The following LRP1 variants were observed in gnomAD, a reference collection of about 807,000 sequenced individuals.
LRP1 encodes prolow-density lipoprotein receptor-related protein 1.
A neutral mutation model predicts 541.5 loss-of-function variants in LRP1; 51 were observed. The observed-to-expected ratio is 0.09, with a 90% CI of 0.08 to 0.12. The LOEUF (loss-of-function observed/expected upper bound fraction) is 0.12, where lower values mean the gene tolerates loss of function less well. LRP1 is among the 10% of genes least tolerant of loss of function. LRP1 has a pLI of 1.00. For missense variants in LRP1, 3,878 were observed against 6,376.2 expected (o/e 0.61, Z 13.34); for synonymous variants, 2,219 against 2,470.8 (o/e 0.90, Z 3.02).
At position 57,128,654 on chromosome 12, in the gene LRP1, G is replaced by A; in HGVS notation, c.-311G>A. ...CAATTGTGCATTTTTGCAGCCGGAG[G>A]CGGCTCCGAGATGGGGCTGTGAGCT... On this transcript the variant is annotated 5_prime_UTR_variant, in exon 1 of 89. Transcript: ENST00000243077. 5 of 412,138 alleles carry A rather than the reference G, an allele frequency of 1.2e-5. No homozygotes were observed. The highest frequency in any genetic ancestry group is 1.7e-5 in the Non-Finnish European group (4 of 232,606). 25.5% of individuals were successfully genotyped at this position (412,138 alleles called of 1,614,324 possible).
At position 57,197,652 on chromosome 12, in the gene LRP1, G is replaced by A; in HGVS notation, c.9270G>A (p.Gly3090=). ...GSMIRRMHLN[G]SNVQVLHRTG... is the part of the protein sequence containing the mutation. ...TGATCCGAAGGATGCACCTTAACGG[G>A]AGCAATGTGCAGGTGAGGCGGGCGG... The change falls in exon 58 of 89, where the codon GGG becomes GGA. Residue 3090 remains glycine, a synonymous_variant. Coordinates refer to ENST00000243077, the MANE Select transcript of LRP1 (RefSeq NM_002332.3). The surrounding 1 kb of genome is among the most constrained non-coding windows in gnomAD (Gnocchi z 4.5). 6.2e-7 allele frequency: 1 copy of A among 1,613,838 alleles called. No individual in the cohort carries two copies. The highest frequency in any genetic ancestry group is 1.7e-4 in the Middle Eastern group (1 of 6,040).
chr12:57,202,797 T>A, intron 68 of LRP1: 2 of 582,294 alleles, frequency 3.4e-6, no homozygotes, highest in East Asian at 2.9e-5. Flanking sequence ...GCTCCCACCA[T>A]ACCCCCACCT....
At position 57,169,068 on chromosome 12, in the gene LRP1, C is replaced by T. The variant is rs2035893987; in HGVS notation, c.2996-72C>T. 6 of 1,438,952 alleles carry T rather than the reference C, an allele frequency of 4.2e-6. No individual in the cohort carries two copies. In the Admixed American group the frequency reaches 1.1e-4, roughly 25 times the overall value. The allele number at this position is 1,438,952 out of a possible 1,614,324, so 89.1% of individuals were successfully genotyped here. A position where few individuals can be genotyped will look rare whatever the true frequency, so the allele number is the denominator to read the frequency against. ...GAGGGTGGGTTCTGGGCAGGGGGCC[C>T]AAGCTGGGATCACAGAGAAGGCTGC... On this transcript the variant is annotated intron_variant, in intron 19 of 88. Transcript: ENST00000243077.
Position 57,145,009 on chromosome 12 carries a change from G to T in LRP1, c.486G>T (p.Gln162His). ...GCTCAGTGTACGGCACCTGCAGCCA[G>T]CTATGCACCAACACAGACGGCTCCT... ...DECSVYGTCS[Q>H]LCTNTDGSFI... Residue 162 changes from glutamine (Q) to histidine (H), a missense_variant, in exon 5 of 89, where the codon CAG becomes CAT. By Grantham distance (24) the Gln-to-His change is conservative. Around this residue, in one of 13 missense-constraint regions of LRP1, gnomAD observed 293 missense variants for 403.7 expected, o/e 0.73. Coordinates refer to ENST00000243077, the MANE Select transcript of LRP1 (RefSeq NM_002332.3). 6.2e-7 allele frequency: 1 copy of T among 1,614,166 alleles called. No homozygotes were observed. The highest frequency in any genetic ancestry group is 8.5e-7 in the Non-Finnish European group (1 of 1,180,050).
chr12:57,139,068 G>T (rs1160274006), intron 2 of LRP1, among the ~76,000 whole-genome samples: 1 of 152,180 alleles, frequency 6.6e-6, no homozygotes, highest in African/African-American at 2.4e-5. Flanking sequence ...CCAGTAAGTG[G>T]TGTAATCGGA....
rs764049979 is a variant in LRP1, at chr12:57,212,083, ATC to A, written c.13350-30_13350-29del. The A allele has an allele frequency of 6.2e-6, 10 of 1,612,590 alleles. No homozygotes were observed. The highest frequency in any genetic ancestry group is 1.1e-5 in the South Asian group (1 of 91,014). ...GCCATCCTAGCCTTCCCCCCCAATA[ATC>A]TCTGTCTCCTTATACTCCTGCCTTT... On this transcript the variant is annotated intron_variant, in intron 87 of 88. Transcript: ENST00000243077. This position sits in a 1 kb window ranked among gnomAD's most constrained non-coding sequence, Gnocchi z 5.0.
chr12:57,180,129 A>G lies in LRP1; in HGVS notation c.5224A>G (p.Lys1742Glu), dbSNP rs1390469565. The part of the protein sequence containing the change: ...SNRTLLFSGQ[K>E]GPVGLAIDFP... ...TCGCACCCTGCTCTTCAGTGGCCAG[A>G]AGGGCCCCGTGGGTACGAGCTTCCC... is the stretch of plus-strand genomic sequence containing the variant. The change falls in exon 31 of 89, where the codon AAG (lysine) becomes GAG (glutamate). Residue 1742 changes from lysine (K) to glutamate (E), a missense_variant. Physicochemically the swap from Lys to Glu is moderately conservative, Grantham distance 56 (BLOSUM62 1). This residue lies in a region of LRP1 where 394 missense variants were observed against 635.9 expected (regional missense o/e 0.62). Coordinates refer to ENST00000243077, the MANE Select transcript of LRP1 (RefSeq NM_002332.3). 4 of 1,613,588 alleles carry G rather than the reference A, an allele frequency of 2.5e-6. No homozygotes were observed. The highest frequency in any genetic ancestry group is 3.4e-6 in the Non-Finnish European group (4 of 1,179,980).
chr12:57,156,052 C>T lies in LRP1; in HGVS notation c.1228-42C>T. 1 of 1,561,998 alleles carries T rather than the reference C, an allele frequency of 6.4e-7. No individual in the cohort carries two copies. Among genetic ancestry groups the T allele is most frequent in the South Asian group, 1.2e-5 (1 of 86,078 alleles). ...GGATCTCCAGGACAGAGGGAGGAACCCCTGTCATCTCATGCTGTCCATTCT... is the reference window on the plus strand; with the variant it reads ...GGATCTCCAGGACAGAGGGAGGAACTCCTGTCATCTCATGCTGTCCATTCT... On this transcript the variant is annotated intron_variant, in intron 8 of 88. Transcript: ENST00000243077. The surrounding 1 kb of genome is among the most constrained non-coding windows in gnomAD (Gnocchi z 5.2).
At chr12:57,135,728 C>T (rs1017452842) in intron 1 of LRP1, among the ~76,000 whole-genome samples, 2 of 152,232 alleles carry the variant, frequency 1.3e-5, no homozygotes, top group Non-Finnish European at 2.9e-5. Context: ...TCCCCCATCC[C>T]CTCCCTGCAA....
rs2036120961 is a variant in LRP1 at position 57,179,594 on chromosome 12, G to A, written c.4966+38G>A. On this transcript the variant is annotated intron_variant, in intron 29 of 88. Coordinates refer to ENST00000243077, the MANE Select transcript of LRP1 (RefSeq NM_002332.3). The surrounding 1 kb of genome is among the most constrained non-coding windows in gnomAD (Gnocchi z 6.8). ...CCTGGATGCCCACCAGTGGACATGG[G>A]CACCTCCACCCGCCCCTTGCTCCCA... is the stretch of plus-strand genomic sequence containing the variant. The A allele has an allele frequency of 1.3e-6, 2 of 1,568,756 alleles. No individual in the cohort carries two copies. The highest frequency in any genetic ancestry group is 1.4e-5 in the African/African-American group (1 of 74,058).
chr12:57,209,763 G>A lies in LRP1; in HGVS notation c.12334G>A (p.Val4112Ile), dbSNP rs2036866429. The change falls in exon 80 of 89, where the codon GTC (valine) becomes ATC (isoleucine). Residue 4112 changes from valine to isoleucine, a missense_variant. Val to Ile is a conservative substitution (Grantham distance 29). Coordinates refer to ENST00000243077, the MANE Select transcript of LRP1 (RefSeq NM_002332.3). ...IYGVTYINNR[V>I]FKIHKFGHSP... ...TGGTGTCACCTACATCAATAATCGTGTCTTCAAGATCCATAAGTTTGGCCA... is the reference window on the plus strand; with the variant it reads ...TGGTGTCACCTACATCAATAATCGTATCTTCAAGATCCATAAGTTTGGCCA... 6.2e-7 allele frequency: 1 copy of A among 1,614,218 alleles called. No homozygotes were observed. Among genetic ancestry groups the A allele is most frequent in the Non-Finnish European group, 8.5e-7 (1 of 1,180,026 alleles).
Position 57,203,462 on chromosome 12 carries a change from G to A in LRP1, c.10892G>A (p.Arg3631His), listed in dbSNP as rs761463401. ...KSGHCIPLRWRCDADADCMDG... is the reference protein window; with the variant it reads ...KSGHCIPLRWHCDADADCMDG... ...GGCCACTGCATCCCCCTGCGCTGGC[G>A]CTGTGACGCAGACGCCGACTGCATG... The change falls in exon 70 of 89, where the codon CGC becomes CAC. Residue 3631 changes from arginine (R) to histidine (H), a missense_variant. Around this residue, in one of 13 missense-constraint regions of LRP1, gnomAD observed 278 missense variants for 536.3 expected, o/e 0.52. Transcript: ENST00000243077. 1.4e-5 allele frequency: 23 copies of A among 1,596,040 alleles called. No individual in the cohort carries two copies. The highest frequency in any genetic ancestry group is 4.6e-5 in the East Asian group (2 of 43,868).
Position 57,203,276 on chromosome 12 carries a change from G to A in LRP1, c.10807G>A (p.Gly3603Ser), listed in dbSNP as rs1208423392. The change falls in exon 69 of 89, where the codon GGC becomes AGC. Residue 3603 changes from glycine (G) to serine (S), a missense_variant. This residue lies in a region of LRP1 where 278 missense variants were observed against 536.3 expected (regional missense o/e 0.52). Transcript: ENST00000243077. The stretch of plus-strand genomic sequence containing the variant: ...CGATGGAGACCACGACTGCGCGGAC[G>A]GCTCGGACGAGGTGGGCAGGGAGAT... ...KCDGDHDCAD[G>S]SDEKDCTPRC... 16 of 1,606,206 alleles carry A rather than the reference G, an allele frequency of 1.0e-5. No homozygotes were observed. Among genetic ancestry groups the A allele is most frequent in the Middle Eastern group, 3.3e-4 (2 of 6,062 alleles).
Position 57,159,942 on chromosome 12 carries a change from G to A in LRP1, c.1916G>A (p.Arg639His), listed in dbSNP as rs756192493. ...AGGCTGGAGAAAGCTGCTCAGACCC[G>A]CAAGACTTTAATCGAGGGCAAAATG... Reference protein sequence around the residue: ...VARLEKAAQTRKTLIEGKMTH... With the variant: ...VARLEKAAQTHKTLIEGKMTH... The change falls in exon 12 of 89, where the codon CGC (arginine) becomes CAC (histidine). Residue 639 changes from arginine (R) to histidine (H), a missense_variant. Arg to His is a conservative substitution (Grantham distance 29, BLOSUM62 0). Around this residue, in one of 13 missense-constraint regions of LRP1, gnomAD observed 496 missense variants for 861.0 expected, o/e 0.58. Transcript: ENST00000243077. 8.1e-6 allele frequency: 13 copies of A among 1,613,998 alleles called. No homozygotes were observed. The highest frequency in any genetic ancestry group is 3.3e-5 in the South Asian group (3 of 91,076).
At position 57,183,798 on chromosome 12, in the gene LRP1, G is replaced by A. The variant is rs1380907067; in HGVS notation, c.5818G>A (p.Asp1940Asn). 1 of 1,613,978 alleles carries A rather than the reference G, an allele frequency of 6.2e-7. No individual in the cohort carries two copies. The highest frequency in any genetic ancestry group is 1.3e-5 in the African/African-American group (1 of 74,910). ...HAENDTIYWVDMGLSTISRAK... is the reference protein window; with the variant it reads ...HAENDTIYWVNMGLSTISRAK... ...AGAAAATGACACCATCTACTGGGTGGACATGGGCCTGAGCACGATCAGCCG... is the reference window on the plus strand; with the variant it reads ...AGAAAATGACACCATCTACTGGGTGAACATGGGCCTGAGCACGATCAGCCG... Residue 1940 changes from aspartate to asparagine, a missense_variant, in exon 36 of 89, where the codon GAC becomes AAC. Physicochemically the swap from Asp to Asn is conservative, Grantham distance 23. Coordinates refer to ENST00000243077, the MANE Select transcript of LRP1 (RefSeq NM_002332.3). The surrounding 1 kb of genome is among the most constrained non-coding windows in gnomAD (Gnocchi z 6.1).
chr12:57,180,197 T>C, intron 31 of LRP1, 56 bp downstream of exon 31: 2 of 1,586,612 alleles, frequency 1.3e-6, no homozygotes, highest in Non-Finnish European at 1.7e-6. Context: ...GACCAGCAGG[T>C]GCTTGCAGGG....
rs772485377 is a variant in LRP1, at chr12:57,179,922, C to A, written c.5107C>A (p.Gln1703Lys). 3 of 1,614,132 alleles carry A rather than the reference C, an allele frequency of 1.9e-6. No individual in the cohort carries two copies. The highest frequency in any genetic ancestry group is 2.2e-5 in the South Asian group (2 of 91,090). Residue 1703 changes from glutamine to lysine, a missense_variant, in exon 30 of 89, where the codon CAG becomes AAG. Around this residue, in one of 13 missense-constraint regions of LRP1, gnomAD observed 394 missense variants for 635.9 expected, o/e 0.62. Coordinates refer to ENST00000243077, the MANE Select transcript of LRP1 (RefSeq NM_002332.3). The surrounding 1 kb of genome is among the most constrained non-coding windows in gnomAD (Gnocchi z 6.8). ...GAACGCAGTGGTGCAGGGCCTGGAGCAGCCCCATGGCCTTGTCGTCCACCC... is the reference window on the plus strand; with the variant it reads ...GAACGCAGTGGTGCAGGGCCTGGAGAAGCCCCATGGCCTTGTCGTCCACCC... ...FKNAVVQGLE[Q>K]PHGLVVHPLR...
rs35306126 is a variant in LRP1 at position 57,162,685 on chromosome 12, C to G, written c.2404+167C>G. On this transcript the variant is annotated intron_variant, in intron 14 of 88. Transcript: ENST00000243077. This position sits in a 1 kb window ranked among gnomAD's most constrained non-coding sequence, Gnocchi z 5.2. ...CCCAACACAATCTGATTCTCTGTTCCCCATTTCCCTTCCTGCCCCATGTCT... is the reference window on the plus strand; with the variant it reads ...CCCAACACAATCTGATTCTCTGTTCGCCATTTCCCTTCCTGCCCCATGTCT... Among the ~76,000 whole-genome samples, 1 of 152,092 alleles carries G rather than the reference C, an allele frequency of 6.6e-6. No homozygotes were observed. Among genetic ancestry groups the G allele is most frequent in the South Asian group, 2.1e-4 (1 of 4,822 alleles).
intron 61 of LRP1, among the ~76,000 whole-genome samples, 155 bp downstream of exon 61, chr12:57,199,555 G>A (rs2036604553): frequency 6.6e-6 from 1 of 152,136 alleles, no homozygotes; most frequent in African/African-American, 2.4e-5. Flanking sequence ...TCTGGCTCCC[G>A]GGAGCTTCAG....
Sources: gnomAD v4.1 joint callset for allele counts (sites outside exome capture counted in the v4.1 genomes callset) on GRCh38, gnomAD v4.1.1 for gene constraint, gnomAD v4.1.1 regional missense constraint, Gnocchi (gnomAD v3.1) non-coding constraint, MANE v1.5 for transcripts, NCBI Gene and HGNC (gene_info 2026-07-23, HGNC 2026-07-21) for gene names.